KCNH7: variants seen among roughly 807,000 people sequenced by gnomAD.
KCNH7 encodes the protein potassium voltage-gated channel subfamily H member 7, also known as voltage-gated inwardly rectifying potassium channel KCNH7.
KCNH7 carries 49 observed loss-of-function variants against 120.8 expected under a neutral mutation model. The ratio of observed to expected loss-of-function variants is 0.41; its 90% CI spans 0.32 to 0.51. The LOEUF (loss-of-function observed/expected upper bound fraction) is 0.51, where lower values mean the gene tolerates loss of function less well. Ranked by LOEUF, KCNH7 falls within the 20% of genes least tolerant of loss-of-function variation. KCNH7 has a pLI of 0.38. For missense variants in KCNH7, 1,097 were observed against 1,446.6 expected (o/e 0.76, Z 3.92); for synonymous variants, 547 against 516.1 (o/e 1.06, Z -0.81).
intron 2 of KCNH7, among the ~76,000 whole-genome samples, chr2:162,669,082 G>C (rs1176156261): frequency 6.6e-6 from 1 of 152,096 alleles, no homozygotes; most frequent in African/African-American, 2.4e-5. Flanking sequence ...AGAGGATAGA[G>C]TGAGAAGTTA....
chr2:162,832,648 C>A (rs1573944315), intron 2 of KCNH7, among the ~76,000 whole-genome samples: 1 of 152,054 alleles, frequency 6.6e-6, no homozygotes, highest in Non-Finnish European at 1.5e-5. Context: ...GTCCTGGAAG[C>A]AGAGATCAGG....
chr2:162,543,516 T>C (rs1392426222), intron 2 of KCNH7, among the ~76,000 whole-genome samples: 4 of 152,156 alleles, frequency 2.6e-5, no homozygotes, highest in Non-Finnish European at 5.9e-5. Context: ...TGTGTGGCAG[T>C]ATTGACAATG....
chr2:162,402,361 C>T (rs1189958580), intron 9 of KCNH7, among the ~76,000 whole-genome samples: 1 of 147,630 alleles, frequency 6.8e-6, no homozygotes, highest in African/African-American at 2.5e-5. Context: ...TAAATTTGGA[C>T]ACAGCATTCT....
intron 2 of KCNH7, among the ~76,000 whole-genome samples, chr2:162,629,190 T>G (rs1256694959): frequency 6.6e-6 from 1 of 152,092 alleles, no homozygotes; most frequent in Non-Finnish European, 1.5e-5. Flanking sequence ...TGTATGGCCG[T>G]GGTGAGTGGT....
At chr2:162,450,394 T>C (rs1303236770) in intron 6 of KCNH7, among the ~76,000 whole-genome samples, 1 of 152,096 alleles carries the variant, frequency 6.6e-6, no homozygotes, top group Admixed American at 6.6e-5. Context: ...TCAAATGTTA[T>C]GGTACTGGTT....
chr2:162,731,734 A>G (rs12991788), intron 2 of KCNH7, among the ~76,000 whole-genome samples: 3,235 of 152,252 alleles, frequency 0.021, 71 homozygotes, highest in East Asian at 0.11. Context: ...TTGCAGATAC[A>G]TCTGAAAAGG....
chr2:162,669,870 C>T lies in KCNH7; in HGVS notation c.308-132790G>A, dbSNP rs1354142854. Among the ~76,000 whole-genome samples the T allele has an allele frequency of 3.3e-5, 5 of 152,150 alleles. No individual in the cohort carries two copies. In the South Asian group the frequency reaches 8.3e-4, roughly 25 times the overall value. ...ATCCCAGCACTTTGGGAGGCCGAGG[C>T]GGGCGGATAACCTGAGGTCAGGAGT... On this transcript the variant is annotated intron_variant, in intron 2 of 15. Coordinates refer to ENST00000332142, the MANE Select transcript of KCNH7 (RefSeq NM_033272.4).
chr2:162,404,966 G>C (rs916840383), intron 9 of KCNH7, among the ~76,000 whole-genome samples: 1 of 151,944 alleles, frequency 6.6e-6, no homozygotes, highest in African/African-American at 2.4e-5. Context: ...ATCAAATTTG[G>C]ACATTTATAT....
chr2:162,743,115 C>G (rs868731255), intron 2 of KCNH7, among the ~76,000 whole-genome samples: 17 of 152,112 alleles, frequency 1.1e-4, no homozygotes, highest in Admixed American at 3.3e-4. Flanking sequence ...CCCACGCTCT[C>G]CCTGTTAGTT....
rs144314632 is a variant in KCNH7 at position 162,442,494 on chromosome 2, A to T, written c.1554+3524T>A. On this transcript the variant is annotated intron_variant, in intron 7 of 15. Coordinates refer to ENST00000332142, the MANE Select transcript of KCNH7 (RefSeq NM_033272.4). ...TAACATTTAGGGAAATTGGCAAAGA[A>T]GATATTAATGTTTAATTGACATTGA... Among the ~76,000 whole-genome samples, 7 of 152,288 alleles carry T rather than the reference A, an allele frequency of 4.6e-5. No homozygotes were observed. The East Asian group carries it at 1.4e-3, about 29-fold the overall frequency.
At chr2:162,635,717 T>C (rs1246836346) in intron 2 of KCNH7, among the ~76,000 whole-genome samples, 28 of 152,130 alleles carry the variant, frequency 1.8e-4, no homozygotes, top group Admixed American at 1.8e-3. Context: ...TTCTCCATTT[T>C]ATCTTGTGCA....
At chr2:162,776,699 T>C (rs1683254342) in intron 2 of KCNH7, among the ~76,000 whole-genome samples, 1 of 152,188 alleles carries the variant, frequency 6.6e-6, no homozygotes, top group South Asian at 2.1e-4. Flanking sequence ...GGGACCTGAC[T>C]GTACTGCATT....
intron 2 of KCNH7, among the ~76,000 whole-genome samples, chr2:162,693,807 T>C (rs1360281473): frequency 1.3e-5 from 2 of 152,098 alleles, no homozygotes; most frequent in East Asian, 1.9e-4. Flanking sequence ...CAATGTAAGG[T>C]GAACACAAAT....
intron 2 of KCNH7, among the ~76,000 whole-genome samples, chr2:162,706,263 TA>T (rs1686698412): frequency 1.3e-5 from 2 of 152,052 alleles, no homozygotes; most frequent in Non-Finnish European, 2.9e-5. Context: ...TTTCCAATAG[TA>T]AAAAACTGGA....
At chr2:162,694,338 C>T (rs1686214205) in intron 2 of KCNH7, among the ~76,000 whole-genome samples, 1 of 152,172 alleles carries the variant, frequency 6.6e-6, no homozygotes, top group Non-Finnish European at 1.5e-5. Context: ...ACTCCGAACT[C>T]AGACTGTTCT....
chr2:162,513,402 C>T (rs1691170932), intron 4 of KCNH7, among the ~76,000 whole-genome samples: 1 of 138,122 alleles, frequency 7.2e-6, no homozygotes, highest in Admixed American at 7.3e-5. Flanking sequence ...TCCCTCCTTC[C>T]TTCTTTCCTT....
At chr2:162,557,581 C>T (rs1692902910) in intron 2 of KCNH7, among the ~76,000 whole-genome samples, 1 of 152,164 alleles carries the variant, frequency 6.6e-6, no homozygotes, top group Admixed American at 6.5e-5. Context: ...GATTAAAAAG[C>T]AACTTTCCCC....
At chr2:162,560,021 T>C (rs1693007048) in intron 2 of KCNH7, among the ~76,000 whole-genome samples, 1 of 152,216 alleles carries the variant, frequency 6.6e-6, no homozygotes, top group Non-Finnish European at 1.5e-5. Flanking sequence ...TTTGCTGACA[T>C]ATAAACTTGA....
intron 2 of KCNH7, among the ~76,000 whole-genome samples, chr2:162,727,318 G>T (rs151086408): frequency 1.3e-5 from 2 of 152,060 alleles, no homozygotes; most frequent in Non-Finnish European, 2.9e-5. Flanking sequence ...TAATAGAGAT[G>T]TATAACAAAA....
Sources: allele counts gnomAD v4.1 joint callset (sites outside exome capture counted in the v4.1 genomes callset), GRCh38; gene constraint gnomAD v4.1.1; transcripts MANE v1.5; gene names NCBI Gene and HGNC (gene_info 2026-07-23, HGNC 2026-07-21).